Variants in GPC5 observed in about 807,000 individuals in gnomAD.
GPC5 encodes glypican-5.
In GPC5, 47 loss-of-function variants were observed where a neutral mutation model predicts 53.9. The ratio of observed to expected loss-of-function variants is 0.87; its 90% CI spans 0.69 to 1.11. The LOEUF (loss-of-function observed/expected upper bound fraction) is 1.11. Ranked by LOEUF, GPC5 falls within the 50% of genes most tolerant of loss-of-function variation. GPC5 has a pLI of 0.00. For missense variants in GPC5, 748 were observed against 713.1 expected, an observed-to-expected ratio of 1.05 and a Z score of -0.56; for synonymous variants, 286 against 263.3, an observed-to-expected ratio of 1.09 and a Z score of -0.84.
intron 7 of GPC5, among the ~76,000 whole-genome samples, chr13:92,215,192 G>A (rs1594004324): frequency 6.6e-6 from 1 of 152,182 alleles, no homozygotes; most frequent in South Asian, 2.1e-4. Context: ...AGTACACAGA[G>A]TGAAACAAAA....
chr13:92,155,024 G>C (rs1372387579), intron 7 of GPC5, among the ~76,000 whole-genome samples: 1 of 152,118 alleles, frequency 6.6e-6, no homozygotes, highest in Non-Finnish European at 1.5e-5. Context: ...TACAGAGATA[G>C]TGTCAGGTCA....
At chr13:92,762,624 C>T (rs554908037) in intron 7 of GPC5, among the ~76,000 whole-genome samples, 37 of 152,210 alleles carry the variant, frequency 2.4e-4, no homozygotes, top group Non-Finnish European at 4.4e-4. Context: ...TCTTCCAAGA[C>T]TTTGGAAGAT....
At chr13:92,299,402 C>T (rs927050448) in intron 7 of GPC5, among the ~76,000 whole-genome samples, 4 of 152,114 alleles carry the variant, frequency 2.6e-5, no homozygotes, top group Non-Finnish European at 5.9e-5. Flanking sequence ...ACACTAGGGT[C>T]GTTATCCAGA....
At chr13:92,155,154 C>T (rs184372522) in intron 7 of GPC5, among the ~76,000 whole-genome samples, 24 of 152,140 alleles carry the variant, frequency 1.6e-4, no homozygotes, top group Admixed American at 2.6e-4. Flanking sequence ...CAATATTTTA[C>T]GAGTTCTTTT....
At chr13:92,697,192 G>T (rs1040896745) in intron 7 of GPC5, among the ~76,000 whole-genome samples, 1 of 151,956 alleles carries the variant, frequency 6.6e-6, no homozygotes, top group African/African-American at 2.4e-5. Flanking sequence ...CTCTTTTTTG[G>T]TTCCATATGA....
intron 2 of GPC5, among the ~76,000 whole-genome samples, chr13:91,479,480 G>C (rs1327811656): frequency 6.6e-6 from 1 of 152,070 alleles, no homozygotes; most frequent in Non-Finnish European, 1.5e-5. Context: ...GGATTTCTGA[G>C]AGTAAGAATA....
chr13:92,035,398 CTT>C (rs1250502221), intron 6 of GPC5, among the ~76,000 whole-genome samples: 1 of 152,116 alleles, frequency 6.6e-6, no homozygotes, highest in African/African-American at 2.4e-5. Flanking sequence ...GTTTATATGT[CTT>C]TTATTTTGCT....
At chr13:91,850,629 A>C (rs987994206) in intron 5 of GPC5, among the ~76,000 whole-genome samples, 2 of 152,116 alleles carry the variant, frequency 1.3e-5, no homozygotes, top group African/African-American at 4.8e-5. Flanking sequence ...ATTCTCATCT[A>C]TATTTTATAG....
chr13:92,753,935 A>G (rs1024565436), intron 7 of GPC5, among the ~76,000 whole-genome samples: 3 of 152,306 alleles, frequency 2.0e-5, no homozygotes, highest in Admixed American at 6.5e-5. Context: ...AACTTCCCCA[A>G]TCTAGCAAGC....
At chr13:92,470,646 T>C (rs2139421234) in intron 7 of GPC5, among the ~76,000 whole-genome samples, 1 of 152,296 alleles carries the variant, frequency 6.6e-6, no homozygotes, top group Middle Eastern at 3.4e-3. Context: ...CAACCACTGC[T>C]GAGCAGTAGC....
At chr13:92,664,283 G>A (rs186756989) in intron 7 of GPC5, among the ~76,000 whole-genome samples, 1 of 151,954 alleles carries the variant, frequency 6.6e-6, no homozygotes, top group Non-Finnish European at 1.5e-5. Flanking sequence ...ATTGGTGGTA[G>A]TTGGTGATTG....
chr13:92,558,723 T>G (rs1235571023), intron 7 of GPC5, among the ~76,000 whole-genome samples: 1 of 152,020 alleles, frequency 6.6e-6, no homozygotes, highest in Non-Finnish European at 1.5e-5. Context: ...AAGCAAACTG[T>G]TGCTAACTCT....
intron 7 of GPC5, among the ~76,000 whole-genome samples, chr13:92,564,635 G>C (rs979501476): frequency 2.6e-5 from 4 of 152,026 alleles, no homozygotes; most frequent in African/African-American, 4.8e-5. Flanking sequence ...GTAGTGAGCA[G>C]AGTACCCAAT....
chr13:92,004,167 C>T lies in GPC5; in HGVS notation c.1401+96110C>T, dbSNP rs149771269. 3.9e-5 allele frequency among the ~76,000 whole-genome samples: 6 copies of T among 152,068 alleles called. No homozygotes were observed. In the East Asian group the frequency reaches 1.2e-3, roughly 29 times the overall value. ...ATGCATTTAATAATGACACTATAGG[C>T]CAGGCGCAGTAGCTCATGCCTGTAA... On this transcript the variant is annotated intron_variant, in intron 6 of 7. Coordinates refer to ENST00000377067, the MANE Select transcript of GPC5 (RefSeq NM_004466.6).
chr13:92,633,473 GA>G (rs1336516735), intron 7 of GPC5, among the ~76,000 whole-genome samples: 1 of 151,962 alleles, frequency 6.6e-6, no homozygotes, highest in Non-Finnish European at 1.5e-5. Context: ...TTTTTGCACA[GA>G]AAAAAGGTAT....
At chr13:91,973,680 C>T (rs1033171808) in intron 6 of GPC5, among the ~76,000 whole-genome samples, 3 of 152,158 alleles carry the variant, frequency 2.0e-5, no homozygotes. Context: ...AGTTTTCCTT[C>T]TAACAGACAG....
chr13:91,648,201 A>T (rs2034607956), intron 2 of GPC5, among the ~76,000 whole-genome samples: 1 of 152,206 alleles, frequency 6.6e-6, no homozygotes, highest in South Asian at 2.1e-4. Flanking sequence ...TCATTCATTT[A>T]TCAAACATTT....
At chr13:92,711,851 GA>G (rs1373773107) in intron 7 of GPC5, among the ~76,000 whole-genome samples, 1 of 151,594 alleles carries the variant, frequency 6.6e-6, no homozygotes, top group African/African-American at 2.4e-5. Flanking sequence ...AGTTTCAAGA[GA>G]AAAAAATAGT....
chr13:92,517,877 C>T (rs1290233433), intron 7 of GPC5, among the ~76,000 whole-genome samples: 2 of 152,144 alleles, frequency 1.3e-5, no homozygotes, highest in African/African-American at 2.4e-5. Flanking sequence ...TCCAACTTCT[C>T]CAAGCTAAAG....
Sources: gnomAD v4.1 joint callset for allele counts (sites outside exome capture counted in the v4.1 genomes callset) on GRCh38, gnomAD v4.1.1 for gene constraint, MANE v1.5 for transcripts, NCBI Gene and HGNC (gene_info 2026-07-23, HGNC 2026-07-21) for gene names.